Variants in TRIO observed in about 807,000 individuals in gnomAD.
TRIO encodes triple functional domain protein.
In TRIO, 58 loss-of-function variants were observed where a neutral mutation model predicts 351.9. The observed-to-expected ratio is 0.16, with a 90% CI of 0.13 to 0.21. The LOEUF (loss-of-function observed/expected upper bound fraction) is 0.21. Among genes scored for constraint, TRIO ranks in the 10% least tolerant of loss-of-function variants. The pLI is 1.00. For missense variants in TRIO, 3,201 were observed against 4,027.8 expected (o/e 0.79, Z 5.56); for synonymous variants, 1,758 against 1,595.7 (o/e 1.10, Z -2.42).
chr5:14,493,347 G>A (rs1756632949), intron 49 of TRIO, among the ~76,000 whole-genome samples: 1 of 152,122 alleles, frequency 6.6e-6, no homozygotes, highest in African/African-American at 2.4e-5. Context: ...TGTCAAGCAA[G>A]TCTCTCGGTG....
chr5:14,434,555 G>A (rs1260012199), intron 34 of TRIO, among the ~76,000 whole-genome samples: 1 of 151,990 alleles, frequency 6.6e-6, no homozygotes, highest in Admixed American at 6.6e-5. Flanking sequence ...AAATAGTTCA[G>A]AGAATTTCTG....
intron 49 of TRIO, among the ~76,000 whole-genome samples, chr5:14,495,154 A>T (rs968584356): frequency 1.3e-5 from 2 of 152,184 alleles, no homozygotes; most frequent in Non-Finnish European, 2.9e-5. Flanking sequence ...GAAGGAAATA[A>T]CTCAGATGTG....
chr5:14,189,047 G>C (rs26133), intron 1 of TRIO, among the ~76,000 whole-genome samples: 107,731 of 152,108 alleles, frequency 0.71, 39,167 homozygotes, highest in East Asian at 0.96. Flanking sequence ...TTTGGCCATG[G>C]CTCTCTCTTG....
At chr5:14,418,253 G>A (rs1230044845) in intron 33 of TRIO, among the ~76,000 whole-genome samples, 3 of 152,182 alleles carry the variant, frequency 2.0e-5, no homozygotes, top group Non-Finnish European at 4.4e-5. Context: ...CACTGGGGGG[G>A]ACCTTTGCCT....
At chr5:14,377,341 G>A (rs922777961) in intron 19 of TRIO, among the ~76,000 whole-genome samples, 14 of 151,870 alleles carry the variant, frequency 9.2e-5, no homozygotes, top group Middle Eastern at 3.2e-3. Flanking sequence ...TGCCTCCCAG[G>A]TTCAAGGAAG....
intron 37 of TRIO, among the ~76,000 whole-genome samples, chr5:14,468,455 C>T (rs1363358816): frequency 6.6e-6 from 1 of 152,252 alleles, no homozygotes; most frequent in African/African-American, 2.4e-5. Context: ...CTTCCCCTCC[C>T]TTGGGAGAAC....
intron 11 of TRIO, among the ~76,000 whole-genome samples, chr5:14,342,914 G>A (rs1416062619): frequency 6.6e-6 from 1 of 152,196 alleles, no homozygotes; most frequent in Admixed American, 6.5e-5. Flanking sequence ...CAACTTACAT[G>A]TGTGATGGAG....
intron 2 of TRIO, among the ~76,000 whole-genome samples, chr5:14,276,377 C>G (rs1735520716): frequency 1.3e-5 from 2 of 152,244 alleles, no homozygotes; most frequent in Admixed American, 1.3e-4. Flanking sequence ...TCCTGGTTCT[C>G]AGGACCAGGC....
chr5:14,193,696 C>G (rs1790581350), intron 1 of TRIO, among the ~76,000 whole-genome samples: 1 of 152,188 alleles, frequency 6.6e-6, no homozygotes, highest in Non-Finnish European at 1.5e-5. Flanking sequence ...TTTTAGGTCT[C>G]TGCAAAGTCA....
Position 14,508,489 on chromosome 5 carries a change from G to C in TRIO, c.*67G>C. On this transcript the variant is annotated 3_prime_UTR_variant, in exon 57 of 57. Coordinates refer to ENST00000344204, the MANE Select transcript of TRIO (RefSeq NM_007118.4). Reference sequence around the variant, plus strand: ...CAGCTGTTAATCTGAATTTTCAAGAGAAAACAAGCAAACATAACTGATCAG... The same window carrying C: ...CAGCTGTTAATCTGAATTTTCAAGACAAAACAAGCAAACATAACTGATCAG... 1 of 1,518,944 alleles carries C rather than the reference G, an allele frequency of 6.6e-7. No homozygotes were observed. Among genetic ancestry groups the C allele is most frequent in the Non-Finnish European group, 8.8e-7 (1 of 1,132,056 alleles). The allele number at this position is 1,518,944 out of a possible 1,614,324, so 94.1% of individuals were successfully genotyped here.
intron 3 of TRIO, among the ~76,000 whole-genome samples, chr5:14,283,279 G>A (rs1159223677): frequency 6.6e-6 from 1 of 152,154 alleles, no homozygotes; most frequent in Admixed American, 6.5e-5. Context: ...CTTTTGCTGT[G>A]TCCAGTGCTT....
intron 41 of TRIO, 80 bp from the exon 42 acceptor site, chr5:14,479,181 G>C (rs758408579): frequency 3.9e-5 from 46 of 1,188,814 alleles, no homozygotes; most frequent in Non-Finnish European, 5.1e-5. Context: ...TTATGAATGT[G>C]CTGAAATGTG....
chr5:14,371,082 G>T (rs142035945), intron 18 of TRIO, among the ~76,000 whole-genome samples: 21 of 152,302 alleles, frequency 1.4e-4, no homozygotes, highest in African/African-American at 5.1e-4. Context: ...AATTACATGG[G>T]ATTATAAAAT....
chr5:14,347,952 A>G (rs1190689693), intron 11 of TRIO, among the ~76,000 whole-genome samples: 2 of 152,246 alleles, frequency 1.3e-5, no homozygotes, highest in Non-Finnish European at 2.9e-5. Flanking sequence ...CAGAGTAAGA[A>G]TCACATAGGT....
At chr5:14,329,286 C>T (rs924294081) in intron 9 of TRIO, among the ~76,000 whole-genome samples, 1 of 152,192 alleles carries the variant, frequency 6.6e-6, no homozygotes, top group South Asian at 2.1e-4. Context: ...TGATCTGCAT[C>T]GTCTGAATGT....
chr5:14,346,962 T>C (rs545745764), intron 11 of TRIO, among the ~76,000 whole-genome samples: 82 of 152,362 alleles, frequency 5.4e-4, no homozygotes, highest in Non-Finnish European at 1.1e-3. Context: ...ACGTCCAGTC[T>C]GGAGCCACAG....
intron 23 of TRIO, among the ~76,000 whole-genome samples, chr5:14,388,311 G>A (rs1746728548): frequency 6.6e-6 from 1 of 152,188 alleles, no homozygotes; most frequent in Non-Finnish European, 1.5e-5. Context: ...CTAGTGGGAA[G>A]CTGCTGAGCA....
At chr5:14,361,949 C>T (rs1427205792) in intron 13 of TRIO, among the ~76,000 whole-genome samples, 1 of 152,184 alleles carries the variant, frequency 6.6e-6, no homozygotes, top group Non-Finnish European at 1.5e-5. Context: ...GAAACCCCAT[C>T]TCTACTAAAA....
intron 21 of TRIO, 58 bp downstream of exon 21, chr5:14,381,310 A>G: frequency 6.5e-7 from 1 of 1,535,052 alleles, no homozygotes. Flanking sequence ...GTCTTCAAAA[A>G]TATCATAAAG....
Sources: gnomAD v4.1 joint callset for allele counts (sites outside exome capture counted in the v4.1 genomes callset) on GRCh38, gnomAD v4.1.1 for gene constraint, MANE v1.5 for transcripts, NCBI Gene and HGNC (gene_info 2026-07-23, HGNC 2026-07-21) for gene names.